Variants in RANBP2 observed in about 807,000 individuals in gnomAD.
RANBP2 encodes the protein RAN binding protein 2.
A neutral mutation model predicts 303.6 loss-of-function variants in RANBP2; 57 were observed. That is an observed-to-expected ratio of 0.19 (90% CI 0.15 to 0.23). The LOEUF (loss-of-function observed/expected upper bound fraction) is 0.23. Among genes scored for constraint, RANBP2 ranks in the 10% least tolerant of loss-of-function variants. The probability of loss-of-function intolerance (pLI) is 1.00; values close to 1 mark genes in which losing one functional copy is unlikely to be tolerated. For missense variants in RANBP2, 3,138 were observed against 3,780.8 expected (o/e 0.83, Z 4.46); for synonymous variants, 1,167 against 1,301.5 (o/e 0.90, Z 2.23).
chr2:109,024,910 A>G, the RANBP2 span, among the ~76,000 whole-genome samples: 4 of 152,200 alleles, frequency 2.6e-5, no homozygotes, highest in African/African-American at 4.8e-5. Flanking sequence ...TATAGAATTC[A>G]TTGGGATTAA....
At chr2:108,967,898 A>C in the RANBP2 span, among the ~76,000 whole-genome samples, 5 of 152,326 alleles carry the variant, frequency 3.3e-5, no homozygotes, top group Non-Finnish European at 7.4e-5. Flanking sequence ...AAAACCCTCA[A>C]GATTAGTGAG....
At chr2:108,947,630 C>A in the RANBP2 span, among the ~76,000 whole-genome samples, 1 of 152,230 alleles carries the variant, frequency 6.6e-6, no homozygotes, top group Non-Finnish European at 1.5e-5. Context: ...AGGCTTGGGA[C>A]TTGCACCCTC....
chr2:109,246,088 C>T, the RANBP2 span, among the ~76,000 whole-genome samples: 1 of 152,244 alleles, frequency 6.6e-6, no homozygotes, highest in Non-Finnish European at 1.5e-5. Flanking sequence ...TAACATTGGG[C>T]AAGTTACTTA....
At chr2:109,558,305 T>C in the RANBP2 span, among the ~76,000 whole-genome samples, 1 of 152,334 alleles carries the variant, frequency 6.6e-6, no homozygotes, top group East Asian at 1.9e-4. Context: ...TGAAGAACTA[T>C]TTAGTTCTTG....
chr2:108,914,474 A>C, the RANBP2 span, among the ~76,000 whole-genome samples: 1 of 152,090 alleles, frequency 6.6e-6, no homozygotes, highest in East Asian at 1.9e-4. Context: ...TATGCTTCCC[A>C]CAACTCCCCT....
chr2:109,700,946 G>C, the RANBP2 span, among the ~76,000 whole-genome samples: 1 of 152,186 alleles, frequency 6.6e-6, no homozygotes, highest in African/African-American at 2.4e-5. Context: ...AAGGGCAAAA[G>C]AGCGTTTGTG....
chr2:109,398,680 G>A, the RANBP2 span: 19 of 1,609,646 alleles, frequency 1.2e-5, no homozygotes, highest in Admixed American at 6.7e-5. Context: ...CTCTGACTCC[G>A]GCGCTGTGGC....
At chr2:109,547,412 T>C in the RANBP2 span, among the ~76,000 whole-genome samples, 1 of 148,002 alleles carries the variant, frequency 6.8e-6, no homozygotes, top group Non-Finnish European at 1.5e-5. Flanking sequence ...TAAGGGGTCA[T>C]TCCAATAAGA....
At chr2:109,610,542 C>T in the RANBP2 span, among the ~76,000 whole-genome samples, 1 of 152,198 alleles carries the variant, frequency 6.6e-6, no homozygotes, top group South Asian at 2.1e-4. Flanking sequence ...TGGAGAAACC[C>T]TGTGTCTACT....
At chr2:108,755,409 A>G in intron 17 of RANBP2, 150 bp downstream of exon 17, 1 of 1,222,704 alleles carries the variant, frequency 8.2e-7, no homozygotes. Flanking sequence ...TTTTTTTTTT[A>G]AGACAGGGTC....
At chr2:109,688,113 C>G in the RANBP2 span, among the ~76,000 whole-genome samples, 1 of 152,096 alleles carries the variant, frequency 6.6e-6, no homozygotes, top group Non-Finnish European at 1.5e-5. Flanking sequence ...GAAACTGCTC[C>G]GCATGTGTGG....
the RANBP2 span, among the ~76,000 whole-genome samples, chr2:109,090,449 A>C: frequency 6.6e-6 from 1 of 152,164 alleles, no homozygotes. Flanking sequence ...AATTAAATAA[A>C]GTTGAAACAA....
the RANBP2 span, among the ~76,000 whole-genome samples, chr2:109,657,714 GTTT>G: frequency 4.9e-5 from 4 of 82,224 alleles, no homozygotes; most frequent in East Asian, 9.3e-4. Flanking sequence ...AATTAGCTGA[GTTT>G]TTTTTTTTTT....
chr2:109,150,473 G>GT, the RANBP2 span, among the ~76,000 whole-genome samples: 28 of 152,142 alleles, frequency 1.8e-4, no homozygotes, highest in Admixed American at 9.2e-4. Flanking sequence ...TAGAAAAATA[G>GT]TTTTTTTACA....
chr2:108,786,907 C>T (rs745319031), downstream of RANBP2: 49 of 1,538,718 alleles, frequency 3.2e-5, no homozygotes, highest in Non-Finnish European at 4.2e-5. Flanking sequence ...GGGCAGCTGC[C>T]CCGACGAGGT....
the RANBP2 span, among the ~76,000 whole-genome samples, chr2:109,262,082 TGAGCAA>T: frequency 1.3e-5 from 2 of 152,180 alleles, no homozygotes; most frequent in Non-Finnish European, 2.9e-5. Flanking sequence ...CCAGCAAGCA[TGAGCAA>T]GCCCACAGGT....
the RANBP2 span, among the ~76,000 whole-genome samples, chr2:108,889,217 A>T: frequency 3.6e-3 from 543 of 152,300 alleles, 7 homozygotes; most frequent in African/African-American, 0.013. Flanking sequence ...GTGGCCTAAC[A>T]TATGGTCTAT....
At chr2:109,556,062 T>C in the RANBP2 span, among the ~76,000 whole-genome samples, 1 of 152,130 alleles carries the variant, frequency 6.6e-6, no homozygotes, top group Non-Finnish European at 1.5e-5. Flanking sequence ...TCTCTAGACA[T>C]TTCAGTTTCT....
chr2:109,169,702 C>CTA, the RANBP2 span, among the ~76,000 whole-genome samples: 3 of 151,722 alleles, frequency 2.0e-5, no homozygotes, highest in Non-Finnish European at 2.9e-5. Flanking sequence ...ATATCTCTCT[C>CTA]TCTATATATA....
Sources: allele counts gnomAD v4.1 joint callset (sites outside exome capture counted in the v4.1 genomes callset), GRCh38; gene constraint gnomAD v4.1.1; transcripts MANE v1.5; gene names NCBI Gene and HGNC (gene_info 2026-07-23, HGNC 2026-07-21).